REEP3: variants seen among roughly 807,000 people sequenced by gnomAD.
The protein encoded by REEP3 is receptor accessory protein 3, also known as receptor expression-enhancing protein 3.
Under a neutral mutation model 41.3 loss-of-function variants are expected in REEP3, and 20 were observed. The ratio of observed to expected loss-of-function variants is 0.48; its 90% CI spans 0.34 to 0.70. REEP3 has a LOEUF of 0.70. Among genes scored for constraint, REEP3 ranks in the 30% least tolerant of loss-of-function variants. The pLI, the probability that REEP3 is intolerant of heterozygous loss-of-function variation, is 0.01. For missense variants in REEP3, 271 were observed against 308.8 expected (o/e 0.88, Z 0.92); for synonymous variants, 104 against 101.8 (o/e 1.02, Z -0.13).
At chr10:63,560,671 C>T (rs898461056) in intron 1 of REEP3, among the ~76,000 whole-genome samples, 1 of 152,158 alleles carries the variant, frequency 6.6e-6, no homozygotes, top group Non-Finnish European at 1.5e-5. Context: ...ACTATTTCTT[C>T]TTGTCTCTAT....
At chr10:63,611,231 T>C (rs564862608) in intron 6 of REEP3, among the ~76,000 whole-genome samples, 1 of 152,326 alleles carries the variant, frequency 6.6e-6, no homozygotes, top group East Asian at 1.9e-4. Context: ...CAATACTCTT[T>C]CTACTCGAAC....
At chr10:63,610,416 T>G (rs1589888636) in intron 6 of REEP3, 82 bp downstream of exon 6, 5 of 1,338,616 alleles carry the variant, frequency 3.7e-6, no homozygotes, top group African/African-American at 1.5e-5. Flanking sequence ...TGTCGGGGGG[T>G]GGGGCACAAG....
chr10:63,554,182 T>C (rs1955656331), intron 1 of REEP3, among the ~76,000 whole-genome samples: 2 of 152,134 alleles, frequency 1.3e-5, no homozygotes, highest in Non-Finnish European at 2.9e-5. Flanking sequence ...AGTTCAAATT[T>C]TACACATCCT....
In REEP3 at chr10:63,597,918, A is replaced by C. The variant is rs536950321; in HGVS notation, c.183-106A>C. ...GCAAAACTCCATCTCAAAAAAAAAAAAACAAAAAACAGCATAGTGACTGAA... is the reference window on the plus strand; with the variant it reads ...GCAAAACTCCATCTCAAAAAAAAAACAACAAAAAACAGCATAGTGACTGAA... On this transcript the variant is annotated intron_variant, in intron 3 of 7. Transcript: ENST00000373758. 2,084 of 1,046,208 alleles carry C rather than the reference A, an allele frequency of 2.0e-3. 11 individuals are homozygous for C. Among genetic ancestry groups the C allele is most frequent in the South Asian group, 2.7e-3 (158 of 57,636 alleles). The allele number at this position is 1,046,208 out of a possible 1,614,324, so 64.8% of individuals were successfully genotyped here.
intron 6 of REEP3, among the ~76,000 whole-genome samples, chr10:63,612,869 A>G (rs1222517596): frequency 6.6e-6 from 1 of 152,186 alleles, no homozygotes; most frequent in East Asian, 1.9e-4. Flanking sequence ...TAGACCAGCT[A>G]TCTTAGACCA....
chr10:63,543,464 T>G (rs1295692160), intron 1 of REEP3, among the ~76,000 whole-genome samples: 22 of 158 alleles, frequency 0.14, no homozygotes, highest in African/African-American at 0.19. Context: ...CCCCATTAAG[T>G]TTTTTTTTTT....
chr10:63,568,913 T>G (rs928558571), intron 2 of REEP3, among the ~76,000 whole-genome samples: 5 of 152,166 alleles, frequency 3.3e-5, no homozygotes, highest in Non-Finnish European at 7.3e-5. Flanking sequence ...TCCACCTACT[T>G]CAGCCTCTCA....
At chr10:63,570,587 C>A (rs1484553339) in intron 2 of REEP3, among the ~76,000 whole-genome samples, 1 of 152,062 alleles carries the variant, frequency 6.6e-6, no homozygotes, top group Non-Finnish European at 1.5e-5. Flanking sequence ...TCTTAACCAT[C>A]CATTTGAGAA....
intron 2 of REEP3, among the ~76,000 whole-genome samples, chr10:63,568,402 G>A (rs931846493): frequency 6.6e-6 from 1 of 151,812 alleles, no homozygotes; most frequent in Non-Finnish European, 1.5e-5. Flanking sequence ...AAGTAGCTGG[G>A]ACTACAGGCG....
At chr10:63,579,521 T>C (rs568444399) in intron 2 of REEP3, among the ~76,000 whole-genome samples, 118 of 152,360 alleles carry the variant, frequency 7.7e-4, no homozygotes, top group African/African-American at 2.7e-3. Flanking sequence ...TGAAGTAAAT[T>C]GAAAGCATTT....
chr10:63,569,239 G>A (rs958320646), intron 2 of REEP3, among the ~76,000 whole-genome samples: 4 of 152,086 alleles, frequency 2.6e-5, no homozygotes, highest in Admixed American at 6.5e-5. Flanking sequence ...TAATAAATGG[G>A]AACCATTTCC....
chr10:63,617,942 A>T (rs1314735873), intron 6 of REEP3, among the ~76,000 whole-genome samples: 2 of 148,704 alleles, frequency 1.3e-5, no homozygotes, highest in Non-Finnish European at 3.0e-5. Flanking sequence ...CTCCTGCCTC[A>T]GCCTCCCAAG....
chr10:63,619,579 T>A, intron 6 of REEP3, 76 bp from the exon 7 acceptor site: 1 of 1,333,528 alleles, frequency 7.5e-7, no homozygotes. Context: ...CAAAGAACTG[T>A]ACACAGATGG....
At chr10:63,526,173 A>G (rs1007201029) in intron 1 of REEP3, among the ~76,000 whole-genome samples, 6 of 152,186 alleles carry the variant, frequency 3.9e-5, no homozygotes, top group African/African-American at 1.4e-4. Context: ...ACTAGTCTTT[A>G]TTATATTGTA....
chr10:63,554,169 G>A (rs1180655328), intron 1 of REEP3, among the ~76,000 whole-genome samples: 1 of 151,984 alleles, frequency 6.6e-6, no homozygotes, highest in African/African-American at 2.4e-5. Context: ...GGGCCTAATG[G>A]TAAGTTCAAA....
At chr10:63,589,093 G>C (rs145643869) in intron 2 of REEP3, among the ~76,000 whole-genome samples, 2 of 152,256 alleles carry the variant, frequency 1.3e-5, no homozygotes, top group Non-Finnish European at 2.9e-5. Context: ...TGGGAACCAT[G>C]GGAGGGGTTT....
At chr10:63,541,064 A>G (rs1239538549) in intron 1 of REEP3, among the ~76,000 whole-genome samples, 5 of 152,220 alleles carry the variant, frequency 3.3e-5, no homozygotes, top group Non-Finnish European at 7.3e-5. Flanking sequence ...CAGTGTTTCT[A>G]TAATAAATAT....
At position 63,605,013 on chromosome 10, in the gene REEP3, G is replaced by A. The variant is rs147700027; in HGVS notation, c.418-5174G>A. ...AGGGGGCTGCTACTGGTATCTAGTC[G>A]GTAAAGAATGGTCAGGGATGCTGCT... is the stretch of plus-strand genomic sequence containing the variant. On this transcript the variant is annotated intron_variant, in intron 5 of 7. Coordinates refer to ENST00000373758, the MANE Select transcript of REEP3 (RefSeq NM_001001330.3). Among the ~76,000 whole-genome samples, 24 of 152,144 alleles carry A rather than the reference G, an allele frequency of 1.6e-4. 1 individual carries two copies. Among genetic ancestry groups the A allele is most frequent in the African/African-American group, 4.3e-4 (18 of 41,502 alleles).
chr10:63,593,678 G>A (rs1346070889), intron 2 of REEP3, among the ~76,000 whole-genome samples: 2 of 152,124 alleles, frequency 1.3e-5, no homozygotes, highest in East Asian at 1.9e-4. Flanking sequence ...TACTGAGGTC[G>A]ATGAAAAAAT....
Sources: allele counts gnomAD v4.1 joint callset (sites outside exome capture counted in the v4.1 genomes callset), GRCh38; gene constraint gnomAD v4.1.1; transcripts MANE v1.5; gene names NCBI Gene and HGNC (gene_info 2026-07-23, HGNC 2026-07-21).